The following PRDM10 variants were observed in gnomAD, a reference collection of about 807,000 sequenced individuals.
The protein encoded by PRDM10 is PR/SET domain 10, also known as PR domain zinc finger protein 10.
A neutral mutation model predicts 133.1 loss-of-function variants in PRDM10; 65 were observed. That is an observed-to-expected ratio of 0.49 (90% CI 0.40 to 0.60). PRDM10 has a LOEUF of 0.60. Among genes scored for constraint, PRDM10 ranks in the 20% least tolerant of loss-of-function variants. PRDM10 has a pLI of 0.00. For missense variants in PRDM10, 1,137 were observed against 1,507.1 expected (o/e 0.75, Z 4.07); for synonymous variants, 582 against 580.4 (o/e 1.00, Z -0.04).
Position 129,923,953 on chromosome 11 carries a change from G to C in PRDM10, c.1879-550C>G, listed in dbSNP as rs891134132. On this transcript the variant is annotated intron_variant, in intron 12 of 20. Coordinates refer to ENST00000360871, the MANE Select transcript of PRDM10 (RefSeq NM_199437.2). The surrounding 1 kb of genome is among the most constrained non-coding windows in gnomAD (Gnocchi z 4.4). ...GATACAGAAGACATTACCGGTTTGT[G>C]AGAGCAATATGACGCTGGCGTCACT... is the stretch of plus-strand genomic sequence containing the variant. Among the ~76,000 whole-genome samples the C allele has an allele frequency of 6.6e-6, 1 of 152,244 alleles. No individual in the cohort carries two copies. The highest frequency in any genetic ancestry group is 1.5e-5 in the Non-Finnish European group (1 of 68,046).
At chr11:129,998,792 T>C (rs1449314068) in intron 1 of PRDM10, among the ~76,000 whole-genome samples, 2 of 151,560 alleles carry the variant, frequency 1.3e-5, no homozygotes, top group African/African-American at 2.4e-5. Flanking sequence ...TCCACACAAG[T>C]CTTGAAATGG....
chr11:129,966,727 G>A (rs1365050840), intron 1 of PRDM10, among the ~76,000 whole-genome samples: 2 of 152,130 alleles, frequency 1.3e-5, no homozygotes, highest in East Asian at 1.9e-4. Context: ...TGAGATTCAC[G>A]GGGAAAAAAT....
chr11:129,969,693 G>A (rs1262507190), intron 1 of PRDM10, among the ~76,000 whole-genome samples: 1 of 150,964 alleles, frequency 6.6e-6, no homozygotes, highest in East Asian at 1.9e-4. Flanking sequence ...TGTAATCCCA[G>A]CTACCCAGGA....
chr11:129,960,393 G>T (rs929127754), intron 2 of PRDM10, among the ~76,000 whole-genome samples: 1 of 152,132 alleles, frequency 6.6e-6, no homozygotes, highest in Non-Finnish European at 1.5e-5. Flanking sequence ...CAATCTGAAA[G>T]GCAAAGGTCA....
chr11:129,911,950 A>G, intron 18 of PRDM10, 135 bp downstream of exon 18: 1 of 1,187,334 alleles, frequency 8.4e-7, no homozygotes, highest in South Asian at 2.2e-5. Context: ...AGGCAAAGGT[A>G]AGATCCTTTA....
At chr11:129,982,923 T>A (rs548018140) in intron 1 of PRDM10, among the ~76,000 whole-genome samples, 27 of 150,036 alleles carry the variant, frequency 1.8e-4, no homozygotes, top group African/African-American at 6.6e-4. Context: ...ATGGCACCAC[T>A]GCACTCCAGC....
At chr11:129,971,107 T>C (rs922691191) in intron 1 of PRDM10, among the ~76,000 whole-genome samples, 1 of 152,160 alleles carries the variant, frequency 6.6e-6, no homozygotes, top group African/African-American at 2.4e-5. Flanking sequence ...GGTGGGTTCA[T>C]GGTCTCGCTG....
Position 129,918,287 on chromosome 11 carries a change from T to TAAAAA in PRDM10, c.2214+247_2214+251dup, listed in dbSNP as rs34931476. Among the ~76,000 whole-genome samples the TAAAAA allele has an allele frequency of 7.6e-6, 1 of 131,312 alleles. No individual in the cohort carries two copies. The highest frequency in any genetic ancestry group is 1.7e-5 in the Non-Finnish European group (1 of 60,174). 86.1% of individuals were successfully genotyped at this position (131,312 alleles called of 152,430 possible). On this transcript the variant is annotated intron_variant, in intron 14 of 20. Transcript: ENST00000360871. This position sits in a 1 kb window ranked among gnomAD's most constrained non-coding sequence, Gnocchi z 5.3. Reference sequence around the variant, plus strand: ...AACAAAAGTAGTAATGAAAAGTGATTAAAAAAAAAAAAAGAAAAAGAAAAA... The same window carrying TAAAAA: ...AACAAAAGTAGTAATGAAAAGTGATTAAAAAAAAAAAAAAAAAAGAAAAAGAAAAA...
intron 1 of PRDM10, among the ~76,000 whole-genome samples, chr11:129,971,173 T>C (rs1038486607): frequency 6.6e-6 from 1 of 152,122 alleles, no homozygotes; most frequent in Non-Finnish European, 1.5e-5. Context: ...TTAAAAGCAG[T>C]GTGAACCCAG....
In PRDM10 at chr11:129,903,776, T is replaced by C. The variant is rs535019821; in HGVS notation, c.3268-1260A>G. On this transcript the variant is annotated intron_variant, in intron 20 of 20. Coordinates refer to ENST00000360871, the MANE Select transcript of PRDM10 (RefSeq NM_199437.2). ...CCACCAGACAACGTTCTGATTATGA[T>C]TGGTTTTTCCACGTGGGGAGGGGGC... 1.8e-4 allele frequency among the ~76,000 whole-genome samples: 27 copies of C among 152,236 alleles called. No homozygotes were observed. In the South Asian group the frequency reaches 5.2e-3, roughly 29 times the overall value.
At chr11:129,933,564 T>G (rs1950935968) in intron 9 of PRDM10, among the ~76,000 whole-genome samples, 1 of 152,224 alleles carries the variant, frequency 6.6e-6, no homozygotes, top group South Asian at 2.1e-4. Flanking sequence ...CAAATCTTCC[T>G]AGTTGTCCCA....
At chr11:129,942,215 A>G (rs1376442097) in intron 7 of PRDM10, among the ~76,000 whole-genome samples, 1 of 152,174 alleles carries the variant, frequency 6.6e-6, no homozygotes, top group African/African-American at 2.4e-5. Flanking sequence ...CCCTTTGATT[A>G]GCATAAAAGC....
chr11:129,900,031 T>C lies in PRDM10; in HGVS notation c.*2282A>G, dbSNP rs1043654. On this transcript the variant is annotated 3_prime_UTR_variant, in exon 21 of 21. Transcript: ENST00000360871. ...GTCTATTTCTGTCGGTACAAATCAATGATAAAAACAAAATCTACATCCAAC... is the reference window on the plus strand; with the variant it reads ...GTCTATTTCTGTCGGTACAAATCAACGATAAAAACAAAATCTACATCCAAC... 0.57 allele frequency: 87,050 copies of C among 152,512 alleles called. 26,482 individuals are homozygous for C. The highest frequency in any genetic ancestry group is 0.8 in the African/African-American group (33,063 of 41,508). The allele number at this position is 152,512 out of a possible 1,614,324, so 9.4% of individuals were successfully genotyped here.
Position 129,947,599 on chromosome 11 carries a change from T to C in PRDM10, c.295-229A>G. The C allele has an allele frequency of 7.2e-7, 1 of 1,388,940 alleles. No individual in the cohort carries two copies. 86.0% of individuals were successfully genotyped at this position (1,388,940 alleles called of 1,614,324 possible). ...TAAGCCTCTGCCCTCCCTCTGCCCC[T>C]TCTGTCCCACACCTGGGAGGGCTGC... is the stretch of plus-strand genomic sequence containing the variant. On this transcript the variant is annotated intron_variant, in intron 4 of 20. Transcript: ENST00000360871. The surrounding 1 kb of genome is among the most constrained non-coding windows in gnomAD (Gnocchi z 4.6).
chr11:129,924,289 A>G (rs1950609773), intron 12 of PRDM10, among the ~76,000 whole-genome samples: 4 of 152,222 alleles, frequency 2.6e-5, no homozygotes, highest in Admixed American at 2.6e-4. Context: ...GTGTATTTTT[A>G]CAAAATGTTT....
At chr11:129,941,550 A>G (rs55908348) in intron 7 of PRDM10, among the ~76,000 whole-genome samples, 20,124 of 152,192 alleles carry the variant, frequency 0.13, 1,769 homozygotes, top group African/African-American at 0.25. Flanking sequence ...TCCGTCACAG[A>G]TATACACGCG....
At chr11:129,972,408 CAA>C (rs960829336) in intron 1 of PRDM10, among the ~76,000 whole-genome samples, 2 of 152,198 alleles carry the variant, frequency 1.3e-5, no homozygotes, top group Non-Finnish European at 2.9e-5. Context: ...ACAATAGCAA[CAA>C]AGAGTTAACA....
At chr11:129,928,065 T>G (rs1025962708) in intron 11 of PRDM10, among the ~76,000 whole-genome samples, 2 of 152,228 alleles carry the variant, frequency 1.3e-5, no homozygotes, top group African/African-American at 4.8e-5. Flanking sequence ...GACAACAGAT[T>G]ATTTGTAGAC....
Position 129,900,813 on chromosome 11 carries a change from G to A in PRDM10, c.*1500C>T, listed in dbSNP as rs1233398160. 6.6e-6 allele frequency: 1 copy of A among 152,112 alleles called. No individual in the cohort carries two copies. Among genetic ancestry groups the A allele is most frequent in the African/African-American group, 2.4e-5 (1 of 41,330 alleles). The allele number at this position is 152,112 out of a possible 1,614,324, so 9.4% of individuals were successfully genotyped here. A position where few individuals can be genotyped will look rare whatever the true frequency, so the allele number is the denominator to read the frequency against. On this transcript the variant is annotated 3_prime_UTR_variant, in exon 21 of 21. Transcript: ENST00000360871. ...AGTTCTCTTAGTACTCAAACATTGG[G>A]GAACAACTACATGAACGCAGTCTCA...
Sources: gnomAD v4.1 joint callset for allele counts (sites outside exome capture counted in the v4.1 genomes callset) on GRCh38, gnomAD v4.1.1 for gene constraint, Gnocchi (gnomAD v3.1) non-coding constraint, MANE v1.5 for transcripts, NCBI Gene and HGNC (gene_info 2026-07-23, HGNC 2026-07-21) for gene names.